The following CSGALNACT1 variants were observed in gnomAD, a reference collection of about 807,000 sequenced individuals.
CSGALNACT1 encodes chondroitin sulfate N-acetylgalactosaminyltransferase 1.
A neutral mutation model predicts 51.0 loss-of-function variants in CSGALNACT1; 52 were observed. The observed-to-expected ratio is 1.02, with a 90% CI of 0.82 to 1.29. CSGALNACT1 has a LOEUF of 1.29. Among genes scored for constraint, CSGALNACT1 ranks in the 50% most tolerant of loss-of-function variants. CSGALNACT1 has a pLI of 0.00. For synonymous variants in CSGALNACT1, 341 were observed against 254.4 expected (o/e 1.34, Z -3.24); for missense variants, 935 against 679.2 (o/e 1.38, Z -4.19).
intron 1 of CSGALNACT1, among the ~76,000 whole-genome samples, chr8:19,613,084 A>G (rs1020752332): frequency 6.6e-6 from 1 of 151,964 alleles, no homozygotes; most frequent in Non-Finnish European, 1.5e-5. Context: ...TTTCCAGAAA[A>G]ACACTTCTCA....
intron 4 of CSGALNACT1, among the ~76,000 whole-genome samples, chr8:19,467,904 TA>T: frequency 6.6e-6 from 1 of 152,278 alleles, no homozygotes; most frequent in Non-Finnish European, 1.5e-5. Flanking sequence ...GAGGATCACT[TA>T]AACCCAGGAG....
upstream of CSGALNACT1, chr8:19,602,846 A>G (rs537473823): frequency 3.9e-5 from 6 of 152,272 alleles, no homozygotes; most frequent in Non-Finnish European, 7.4e-5. Context: ...AGTTAATTTC[A>G]TGTCAATAAT....
intron 1 of CSGALNACT1, among the ~76,000 whole-genome samples, chr8:19,727,965 T>A (rs932627183): frequency 6.6e-6 from 1 of 152,180 alleles, no homozygotes; most frequent in African/African-American, 2.4e-5. Context: ...AGACTAGCCT[T>A]ATCTTAATAG....
intron 6 of CSGALNACT1, among the ~76,000 whole-genome samples, chr8:19,421,279 AGC>A (rs879561592): frequency 0.034 from 5,105 of 152,324 alleles, 168 homozygotes; most frequent in East Asian, 0.12. Flanking sequence ...TGCTGTGATT[AGC>A]ATGGGCAAGG....
At chr8:19,513,395 C>T (rs1344253952) in intron 3 of CSGALNACT1, among the ~76,000 whole-genome samples, 1 of 124,066 alleles carries the variant, frequency 8.1e-6, no homozygotes, top group Non-Finnish European at 1.7e-5. Flanking sequence ...ACATTCTGTT[C>T]ATAGAATTTT....
intron 1 of CSGALNACT1, among the ~76,000 whole-genome samples, chr8:19,710,146 G>C (rs551577817): frequency 2.6e-4 from 40 of 152,176 alleles, no homozygotes; most frequent in Admixed American, 1.4e-3. Context: ...TGTGACTTCT[G>C]ATTCAAAATG....
At chr8:19,710,922 AT>A (rs112530120) in intron 1 of CSGALNACT1, among the ~76,000 whole-genome samples, 5 of 149,686 alleles carry the variant, frequency 3.3e-5, no homozygotes, top group African/African-American at 7.4e-5. Flanking sequence ...CTCCTCTCTG[AT>A]TTTTTTTTTC....
intron 9 of CSGALNACT1, among the ~76,000 whole-genome samples, chr8:19,406,828 C>T (rs560411607): frequency 2.0e-5 from 3 of 152,076 alleles, no homozygotes; most frequent in Non-Finnish European, 4.4e-5. Flanking sequence ...CCTGCCTCAG[C>T]CTCCCAAGTA....
At chr8:19,687,283 T>C (rs1015976756), upstream of CSGALNACT1, among the ~76,000 whole-genome samples, 1 of 152,068 alleles carries the variant, frequency 6.6e-6, no homozygotes, top group African/African-American at 2.4e-5. Context: ...TCTCTATCTA[T>C]GATCACTTAA....
intron 1 of CSGALNACT1, among the ~76,000 whole-genome samples, chr8:19,706,458 C>A (rs1429450531): frequency 6.6e-6 from 1 of 152,166 alleles, no homozygotes; most frequent in Non-Finnish European, 1.5e-5. Flanking sequence ...AATTGAATAA[C>A]ACAGGCACTA....
At chr8:19,581,426 A>G (rs1359664533) in intron 3 of CSGALNACT1, among the ~76,000 whole-genome samples, 4 of 152,232 alleles carry the variant, frequency 2.6e-5, no homozygotes, top group African/African-American at 7.2e-5. Flanking sequence ...TTAAAATGTT[A>G]TATTTGTGGC....
At chr8:19,654,975 G>A (rs1468399640) in intron 1 of CSGALNACT1, among the ~76,000 whole-genome samples, 1 of 152,082 alleles carries the variant, frequency 6.6e-6, no homozygotes, top group Non-Finnish European at 1.5e-5. Flanking sequence ...TCACCTGATG[G>A]TAGACCAGAA....
intron 4 of CSGALNACT1, among the ~76,000 whole-genome samples, chr8:19,483,246 T>C (rs1378056388): frequency 6.6e-6 from 1 of 152,212 alleles, no homozygotes; most frequent in Admixed American, 6.5e-5. Flanking sequence ...TATTTCTAAA[T>C]ATAATTCTAA....
At chr8:19,483,449 C>G (rs1054008309) in intron 4 of CSGALNACT1, among the ~76,000 whole-genome samples, 1 of 152,240 alleles carries the variant, frequency 6.6e-6, no homozygotes, top group South Asian at 2.1e-4. Flanking sequence ...ATTCACCAAG[C>G]TCTGCCCTGC....
intron 1 of CSGALNACT1, among the ~76,000 whole-genome samples, chr8:19,672,468 T>C (rs1365691318): frequency 6.6e-6 from 1 of 152,238 alleles, no homozygotes; most frequent in Non-Finnish European, 1.5e-5. Flanking sequence ...ATATTCAGCA[T>C]CGCTTTAACA....
chr8:19,605,675 C>G (rs2051274637), upstream of CSGALNACT1, among the ~76,000 whole-genome samples: 1 of 152,114 alleles, frequency 6.6e-6, no homozygotes, highest in African/African-American at 2.4e-5. Flanking sequence ...TGGAAAAATC[C>G]TAGACTTGGT....
intron 1 of CSGALNACT1, among the ~76,000 whole-genome samples, chr8:19,611,846 G>A (rs768976348): frequency 3.9e-5 from 6 of 152,012 alleles, no homozygotes; most frequent in East Asian, 1.9e-4. Context: ...AAATATGACC[G>A]GAAATCAGCA....
chr8:19,591,016 G>A (rs2047695976), intron 3 of CSGALNACT1: 1 of 152,158 alleles, frequency 6.6e-6, no homozygotes, highest in African/African-American at 2.4e-5. Flanking sequence ...AAATTAATGA[G>A]ACACTAATGG....
At chr8:19,502,487 T>C (rs1025435697) in intron 4 of CSGALNACT1, among the ~76,000 whole-genome samples, 3 of 152,224 alleles carry the variant, frequency 2.0e-5, no homozygotes, top group Non-Finnish European at 4.4e-5. Flanking sequence ...CTTGAACTTT[T>C]CTTGTTATTT....
Sources: allele counts gnomAD v4.1 joint callset (sites outside exome capture counted in the v4.1 genomes callset), GRCh38; gene constraint gnomAD v4.1.1; transcripts MANE v1.5; gene names NCBI Gene and HGNC (gene_info 2026-07-23, HGNC 2026-07-21).